TBX19: variants seen among roughly 807,000 people sequenced by gnomAD.
TBX19 encodes the protein T-box transcription factor 19.
Under a neutral mutation model 40.9 loss-of-function variants are expected in TBX19, and 33 were observed. The ratio of observed to expected loss-of-function variants is 0.81; its 90% CI spans 0.61 to 1.08. The LOEUF (loss-of-function observed/expected upper bound fraction) is 1.08. TBX19 is among the 50% of genes least tolerant of loss of function. TBX19 has a pLI of 0.00. For missense variants in TBX19, 494 were observed against 574.0 expected, an observed-to-expected ratio of 0.86 and a Z score of 1.42; for synonymous variants, 220 against 225.0, an observed-to-expected ratio of 0.98 and a Z score of 0.20.
In TBX19 at chr1:168,291,429, G is replaced by T; in HGVS notation, c.468+5G>T. 1 of 1,614,150 alleles carries T rather than the reference G, an allele frequency of 6.2e-7. No homozygotes were observed. Among genetic ancestry groups the T allele is most frequent in the Non-Finnish European group, 8.5e-7 (1 of 1,180,044 alleles). Reference sequence around the variant, plus strand: ...AAGCTCAATGGAGGCGGGCAGGTACGAATGAGGCGGGCAGGCCTGGCCACC... The same window carrying T: ...AAGCTCAATGGAGGCGGGCAGGTACTAATGAGGCGGGCAGGCCTGGCCACC... On this transcript the variant is annotated splice_donor_5th_base_variant and intron_variant, in intron 2 of 7. Coordinates refer to ENST00000367821, the MANE Select transcript of TBX19 (RefSeq NM_005149.3).
chr1:168,292,863 CA>C (rs751123603), intron 2 of TBX19, among the ~76,000 whole-genome samples: 311 of 32,872 alleles, frequency 9.5e-3, no homozygotes, highest in South Asian at 0.022. Context: ...GACTCCGTCT[CA>C]AAAAAAAAAA....
intron 5 of TBX19, among the ~76,000 whole-genome samples, chr1:168,303,483 CA>C (rs749531001): frequency 9.2e-5 from 14 of 152,124 alleles, no homozygotes; most frequent in Non-Finnish European, 1.8e-4. Flanking sequence ...GCTGGTTGCA[CA>C]AAAAGATGTT....
chr1:168,312,371 C>G (rs1276299796), intron 7 of TBX19, among the ~76,000 whole-genome samples: 3 of 152,186 alleles, frequency 2.0e-5, no homozygotes, highest in African/African-American at 7.2e-5. Context: ...AGAAATCATA[C>G]AGTTTTAATA....
chr1:168,289,982 T>A, intron 1 of TBX19, among the ~76,000 whole-genome samples: 1 of 152,036 alleles, frequency 6.6e-6, no homozygotes, highest in Non-Finnish European at 1.5e-5. Context: ...TCGCCTGAGG[T>A]TGAGAGTTTG....
In TBX19 at chr1:168,305,123, C is replaced by T; in HGVS notation, c.843C>T (p.His281=). ...PAPHTHHGCE[H]YSGLRGHRQA... ...CCCACACCCACCATGGCTGTGAGCA[C>T]TATTCGGGTCTCCGAGGACACCGGC... Residue 281 remains histidine (H), a synonymous_variant, in exon 6 of 8, where the codon CAC becomes CAT. Coordinates refer to ENST00000367821, the MANE Select transcript of TBX19 (RefSeq NM_005149.3). 5 of 1,614,104 alleles carry T rather than the reference C, an allele frequency of 3.1e-6. No homozygotes were observed. The South Asian group carries it at 5.5e-5, about 18-fold the overall frequency.
intron 3 of TBX19, among the ~76,000 whole-genome samples, chr1:168,294,132 A>G (rs921872117): frequency 6.6e-6 from 1 of 152,176 alleles, no homozygotes; most frequent in African/African-American, 2.4e-5. Flanking sequence ...ATTTCCTCAC[A>G]TAAATTGGCT....
At chr1:168,296,021 A>G (rs1341042307) in intron 3 of TBX19, among the ~76,000 whole-genome samples, 2 of 152,112 alleles carry the variant, frequency 1.3e-5, no homozygotes, top group African/African-American at 2.4e-5. Context: ...AACATGCTCC[A>G]TGGCAATCAA....
intron 5 of TBX19, among the ~76,000 whole-genome samples, chr1:168,303,598 T>C (rs1649328824): frequency 6.6e-6 from 1 of 152,114 alleles, no homozygotes; most frequent in Non-Finnish European, 1.5e-5. Flanking sequence ...CAAGTTTATT[T>C]AGAAAGTAAA....
At position 168,297,781 on chromosome 1, in the gene TBX19, G is replaced by A; in HGVS notation, c.661G>A (p.Glu221Lys). The change falls in exon 4 of 8, where the codon GAA becomes AAA. Residue 221 changes from glutamate (E) to lysine (K), a missense_variant. Glu to Lys is a moderately conservative substitution (Grantham distance 56). Coordinates refer to ENST00000367821, the MANE Select transcript of TBX19 (RefSeq NM_005149.3). ...TGCCAAAGCCTTCTTGGATGCCAAGGAAAGGTAAGTAAAGAAATTTTAGTG... is the reference window on the plus strand; with the variant it reads ...TGCCAAAGCCTTCTTGGATGCCAAGAAAAGGTAAGTAAAGAAATTTTAGTG... Reference protein sequence around the residue: ...PFAKAFLDAKERNHLRDVPEA... With the variant: ...PFAKAFLDAKKRNHLRDVPEA... The A allele has an allele frequency of 6.2e-7, 1 of 1,613,470 alleles. No homozygotes were observed. The highest frequency in any genetic ancestry group is 8.5e-7 in the Non-Finnish European group (1 of 1,179,522).
intron 6 of TBX19, among the ~76,000 whole-genome samples, 166 bp downstream of exon 6, chr1:168,305,362 G>C (rs890490953): frequency 6.6e-6 from 1 of 151,746 alleles, no homozygotes; most frequent in Admixed American, 6.6e-5. Context: ...GTTATTTTAT[G>C]TACAAATATT....
intron 4 of TBX19, among the ~76,000 whole-genome samples, chr1:168,300,014 TC>T (rs1208878819): frequency 6.6e-6 from 1 of 152,186 alleles, no homozygotes; most frequent in Non-Finnish European, 1.5e-5. Context: ...GATCCACTTT[TC>T]TAATCTACAA....
In TBX19 at chr1:168,293,218, A is replaced by G; in HGVS notation, c.543A>G (p.Val181=). The G allele has an allele frequency of 6.2e-7, 1 of 1,613,840 alleles. No individual in the cohort carries two copies. Among genetic ancestry groups the G allele is most frequent in the Non-Finnish European group, 8.5e-7 (1 of 1,179,912 alleles). ...GTGTTGGAAGTGCCCATCGAATGGTAACAAACTGCTCCTTCCCTGAAACCC... is the reference window on the plus strand; with the variant it reads ...GTGTTGGAAGTGCCCATCGAATGGTGACAAACTGCTCCTTCCCTGAAACCC... ...IVRVGSAHRM[V]TNCSFPETQF... The change falls in exon 3 of 8, where the codon GTA becomes GTG. Residue 181 remains valine, a synonymous_variant. Transcript: ENST00000367821.
chr1:168,282,210 C>A (rs1648672437), intron 1 of TBX19, among the ~76,000 whole-genome samples: 1 of 152,140 alleles, frequency 6.6e-6, no homozygotes, highest in African/African-American at 2.4e-5. Context: ...AATTATGACA[C>A]CCTCGAGAGA....
At chr1:168,297,697 A>G (rs201212830) in intron 3 of TBX19, 27 bp from the exon 4 acceptor site, 2 of 1,610,306 alleles carry the variant, frequency 1.2e-6, no homozygotes, top group Non-Finnish European at 1.7e-6. Flanking sequence ...TACTTTTACT[A>G]ACACTTCTTG....
chr1:168,298,821 T>TCCC (rs1491344091), intron 4 of TBX19, among the ~76,000 whole-genome samples: 64 of 13,638 alleles, frequency 4.7e-3, no homozygotes, highest in East Asian at 0.028. Flanking sequence ...CTCCCTCCCT[T>TCCC]CCTTTCTTTC....
intron 4 of TBX19, among the ~76,000 whole-genome samples, chr1:168,298,824 T>TTTCCTTCCTTCTTTCTTTCC (rs1553289841): frequency 1.5e-4 from 2 of 13,342 alleles, no homozygotes; most frequent in African/African-American, 4.3e-4. Flanking sequence ...CCTCCCTTCC[T>TTTCCTTCCTTCTTTCTTTCC]TTCTTTCTTT....
At chr1:168,282,560 ATT>A (rs1404152877) in intron 1 of TBX19, among the ~76,000 whole-genome samples, 1 of 152,162 alleles carries the variant, frequency 6.6e-6, no homozygotes, top group Non-Finnish European at 1.5e-5. Flanking sequence ...TGCTTTTAAT[ATT>A]GTTACTGTAA....
At chr1:168,303,210 G>A (rs1425195193) in intron 5 of TBX19, among the ~76,000 whole-genome samples, 1 of 152,048 alleles carries the variant, frequency 6.6e-6, no homozygotes, top group Non-Finnish European at 1.5e-5. Flanking sequence ...CCCCACGACA[G>A]GTCCTGGTGT....
intron 1 of TBX19, 28 bp from the exon 2 acceptor site, chr1:168,291,132 G>C: frequency 6.2e-7 from 1 of 1,606,436 alleles, no homozygotes; most frequent in Non-Finnish European, 8.5e-7. Context: ...CGTCCCTCCT[G>C]TGGCTAAGTT....
Sources: allele counts gnomAD v4.1 joint callset (sites outside exome capture counted in the v4.1 genomes callset), GRCh38; gene constraint gnomAD v4.1.1; transcripts MANE v1.5; gene names NCBI Gene and HGNC (gene_info 2026-07-23, HGNC 2026-07-21).